The following GRID2 variants were observed in gnomAD, a reference collection of about 807,000 sequenced individuals.
The protein encoded by GRID2 is glutamate receptor ionotropic, delta-2.
Under a neutral mutation model 114.8 loss-of-function variants are expected in GRID2, and 33 were observed. The ratio of observed to expected loss-of-function variants is 0.29; its 90% CI spans 0.22 to 0.38. The LOEUF (loss-of-function observed/expected upper bound fraction) is 0.38. GRID2 is among the 10% of genes least tolerant of loss of function. The pLI is 1.00. For synonymous variants in GRID2, 505 were observed against 449.9 expected, an observed-to-expected ratio of 1.12 and a Z score of -1.55; for missense variants, 1,184 against 1,257.7, an observed-to-expected ratio of 0.94 and a Z score of 0.89.
chr4:92,876,376 GCAAGCTCCGCCC>G (rs908800080), intron 2 of GRID2, among the ~76,000 whole-genome samples: 9 of 151,672 alleles, frequency 5.9e-5, no homozygotes, highest in African/African-American at 2.2e-4. Context: ...TCGGCTCACT[GCAAGCTCCGCCC>G]CAGCCTCCAG....
At chr4:93,323,982 G>A (rs1757541108) in intron 8 of GRID2, among the ~76,000 whole-genome samples, 1 of 152,126 alleles carries the variant, frequency 6.6e-6, no homozygotes, top group South Asian at 2.1e-4. Flanking sequence ...GTACAATCAT[G>A]TCATCTGCAA....
At chr4:92,308,363 G>A (rs558360654) in intron 1 of GRID2, among the ~76,000 whole-genome samples, 17 of 152,210 alleles carry the variant, frequency 1.1e-4, no homozygotes, top group African/African-American at 3.6e-4. Context: ...CTCAAACAGT[G>A]TACTTATTCA....
chr4:93,402,809 C>A (rs1766024927), intron 9 of GRID2, among the ~76,000 whole-genome samples: 1 of 152,022 alleles, frequency 6.6e-6, no homozygotes, highest in Admixed American at 6.6e-5. Context: ...TCCAGGCTAG[C>A]TTTAAATAGA....
At position 92,634,859 on chromosome 4, in the gene GRID2, C is replaced by CAGAGAGAGAGAGAGAGAGAAAGAG. The variant is rs983505541; in HGVS notation, c.244+44589_244+44612dup. ...TTCGCATGCATTCGTTGCAGAGAGA[C>CAGAGAGAGAGAGAGAGAGAAAGAG]AGAGAGAGAGAGAGAGAGAAAGAGA... On this transcript the variant is annotated intron_variant, in intron 2 of 15. Coordinates refer to ENST00000282020, the MANE Select transcript of GRID2 (RefSeq NM_001510.4). Among the ~76,000 whole-genome samples the CAGAGAGAGAGAGAGAGAGAAAGAG allele has an allele frequency of 1.8e-3, 260 of 143,194 alleles. 3 individuals carry two copies. Among genetic ancestry groups the CAGAGAGAGAGAGAGAGAGAAAGAG allele is most frequent in the South Asian group, 8.4e-3 (38 of 4,542 alleles). 93.9% of individuals were successfully genotyped at this position (143,194 alleles called of 152,430 possible).
At chr4:93,495,126 C>T (rs1318896583) in intron 12 of GRID2, among the ~76,000 whole-genome samples, 1 of 151,690 alleles carries the variant, frequency 6.6e-6, no homozygotes, top group East Asian at 1.9e-4. Flanking sequence ...CCCAACATCC[C>T]ACCATATTTT....
chr4:93,533,302 C>CTTCCTTCT (rs1731683656), intron 13 of GRID2, among the ~76,000 whole-genome samples: 1 of 112,528 alleles, frequency 8.9e-6, no homozygotes, highest in Non-Finnish European at 2.0e-5. Context: ...TCCTTCCTTC[C>CTTCCTTCT]TTCCTTCCTT....
intron 2 of GRID2, among the ~76,000 whole-genome samples, chr4:92,923,024 T>C (rs1228439816): frequency 6.6e-6 from 1 of 152,214 alleles, no homozygotes; most frequent in Non-Finnish European, 1.5e-5. Context: ...TGAATTTTGT[T>C]CTTTTTTGCA....
intron 2 of GRID2, among the ~76,000 whole-genome samples, chr4:93,058,522 C>A (rs1727475017): frequency 6.6e-6 from 1 of 151,726 alleles, no homozygotes; most frequent in East Asian, 1.9e-4. Flanking sequence ...GAAATCGTGG[C>A]TTTTTTTTAG....
chr4:93,005,735 C>A (rs145075440), intron 2 of GRID2, among the ~76,000 whole-genome samples: 45 of 152,150 alleles, frequency 3.0e-4, no homozygotes, highest in African/African-American at 9.4e-4. Flanking sequence ...GAATGATACA[C>A]TGATACCTGC....
intron 2 of GRID2, among the ~76,000 whole-genome samples, chr4:92,673,305 C>G (rs1422637108): frequency 6.6e-6 from 1 of 152,158 alleles, no homozygotes; most frequent in Non-Finnish European, 1.5e-5. Context: ...AGTGTATTCC[C>G]ATTTATGTCT....
downstream of GRID2, among the ~76,000 whole-genome samples, chr4:93,776,441 A>T (rs986576555): frequency 2.6e-5 from 4 of 152,240 alleles, no homozygotes; most frequent in East Asian, 7.7e-4. Flanking sequence ...ATTCAATTCT[A>T]CTAGTGTTAA....
intron 14 of GRID2, among the ~76,000 whole-genome samples, chr4:93,656,694 G>C (rs1723024294): frequency 7.1e-6 from 1 of 141,312 alleles, no homozygotes. Context: ...GCCAGGCATG[G>C]TGGCGGGCAC....
intron 2 of GRID2, among the ~76,000 whole-genome samples, chr4:92,715,553 A>T (rs892257903): frequency 5.3e-5 from 8 of 152,128 alleles, no homozygotes; most frequent in Non-Finnish European, 1.0e-4. Context: ...AAAAAAAAAG[A>T]GGTTTAATGG....
At chr4:92,776,510 G>A (rs1738802824) in intron 2 of GRID2, among the ~76,000 whole-genome samples, 1 of 152,088 alleles carries the variant, frequency 6.6e-6, no homozygotes, top group Non-Finnish European at 1.5e-5. Flanking sequence ...ATGTGTGTGA[G>A]GGTGTGTGTG....
At chr4:92,799,094 A>ATT (rs1461715686) in intron 2 of GRID2, among the ~76,000 whole-genome samples, 3 of 151,874 alleles carry the variant, frequency 2.0e-5, no homozygotes, top group African/African-American at 7.3e-5. Flanking sequence ...TATTTCCATT[A>ATT]TTATTACATA....
At chr4:93,044,857 T>C (rs1478511571) in intron 2 of GRID2, among the ~76,000 whole-genome samples, 7 of 152,166 alleles carry the variant, frequency 4.6e-5, no homozygotes, top group Non-Finnish European at 8.8e-5. Context: ...ATATGCAGTG[T>C]ATATCCTAAA....
intron 8 of GRID2, among the ~76,000 whole-genome samples, chr4:93,393,516 A>G (rs1043764368): frequency 2.0e-5 from 3 of 152,134 alleles, no homozygotes; most frequent in Middle Eastern, 6.8e-3. Context: ...TGCCTAGGTT[A>G]GAAGATTAGA....
intron 10 of GRID2, among the ~76,000 whole-genome samples, chr4:93,425,306 A>G (rs1365032781): frequency 6.6e-6 from 1 of 152,196 alleles, no homozygotes. Context: ...TAGTTAAATC[A>G]CTATCTGTTC....
intron 2 of GRID2, among the ~76,000 whole-genome samples, chr4:92,923,784 A>C (rs1006923451): frequency 3.9e-5 from 6 of 152,136 alleles, no homozygotes; most frequent in Non-Finnish European, 2.9e-5. Flanking sequence ...AGACTGCGAC[A>C]TTGAAATTAT....
Sources: gnomAD v4.1 joint callset for allele counts (sites outside exome capture counted in the v4.1 genomes callset) on GRCh38, gnomAD v4.1.1 for gene constraint, MANE v1.5 for transcripts, NCBI Gene and HGNC (gene_info 2026-07-23, HGNC 2026-07-21) for gene names.